HIBCH: variants seen among roughly 807,000 people sequenced by gnomAD.
The protein encoded by HIBCH is 3-hydroxyisobutyryl-CoA hydrolase, also known as 3-hydroxyisobutyryl-CoA hydrolase, mitochondrial.
A neutral mutation model predicts 58.2 loss-of-function variants in HIBCH; 50 were observed. The ratio of observed to expected loss-of-function variants is 0.86; its 90% confidence interval spans 0.68 to 1.09. The LOEUF is 1.09. HIBCH is among the 50% of genes least tolerant of loss of function. The pLI is 0.00. For synonymous variants in HIBCH, 151 were observed against 146.9 expected (o/e 1.03, Z -0.20); for missense variants, 450 against 449.7 (o/e 1.00, Z -0.01).
At position 190,197,567 on chromosome 2, in the gene HIBCH, T is replaced by G. The variant is rs1030635103; in HGVS notation, c.*17+7533A>C. 2.0e-5 allele frequency among the ~76,000 whole-genome samples: 3 copies of G among 152,180 alleles called. No homozygotes were observed. Among genetic ancestry groups the G allele is most frequent in the African/African-American group, 7.2e-5 (3 of 41,426 alleles). ...ACCCTAACCTCTGTTGCATCAGAGT[T>G]GCCACTCTCTGACTCTCCTGGGGCT... On this transcript the variant is annotated intron_variant, in intron 1 of 1. Coordinates refer to the HIBCH transcript ENST00000399855. This position sits in a 1 kb window ranked among gnomAD's most constrained non-coding sequence, Gnocchi z 4.0.
intron 11 of HIBCH, among the ~76,000 whole-genome samples, chr2:190,238,296 A>G (rs1458718199): frequency 2.0e-5 from 3 of 152,176 alleles, no homozygotes; most frequent in African/African-American, 7.2e-5. Flanking sequence ...CAACAGTGTA[A>G]AAGTGTACCT....
rs201313339 is a variant in HIBCH, at chr2:190,250,780, TA to T, written c.664-1055del. 6.7e-3 allele frequency among the ~76,000 whole-genome samples: 1,014 copies of T among 152,352 alleles called. 12 individuals carry two copies. Among genetic ancestry groups the T allele is most frequent in the African/African-American group, 0.022 (920 of 41,586 alleles). The stretch of plus-strand genomic sequence containing the variant: ...TCAATTTTGTATGCTTCATACATTT[TA>T]CAGAATCTGTAACAGTGTGAGAAAC... On this transcript the variant is annotated intron_variant, in intron 8 of 13. Transcript: ENST00000359678.
chr2:190,263,766 C>G (rs560622758), intron 6 of HIBCH, among the ~76,000 whole-genome samples: 1 of 152,318 alleles, frequency 6.6e-6, no homozygotes, highest in South Asian at 2.1e-4. Context: ...CCCAGCTGCT[C>G]AGGCCAAACA....
chr2:190,201,467 G>C (rs1309659707), downstream of HIBCH: 2 of 166,922 alleles, frequency 1.2e-5, no homozygotes, highest in Non-Finnish European at 2.9e-5. Flanking sequence ...GTGTATGTTA[G>C]ATCCACAATA....
In HIBCH at chr2:190,280,519, G is replaced by A. The variant is rs35446208; in HGVS notation, c.438+7067C>T. On this transcript the variant is annotated intron_variant, in intron 6 of 13. Transcript: ENST00000359678. ...AAACACCTGAAGCTCGTGATCAGCC[G>A]CTTCCCATTAAGATCTCAGGAGCTG... Among the ~76,000 whole-genome samples, 1,153 of 152,282 alleles carry A rather than the reference G, an allele frequency of 7.6e-3. 15 individuals are homozygous for A. The highest frequency in any genetic ancestry group is 0.013 in the Non-Finnish European group (895 of 68,014).
chr2:190,248,375 A>G (rs779309395), intron 9 of HIBCH, among the ~76,000 whole-genome samples: 1 of 151,886 alleles, frequency 6.6e-6, no homozygotes, highest in Non-Finnish European at 1.5e-5. Context: ...GTGGGGTGGG[A>G]TGCAGCGGTT....
intron 13 of HIBCH, chr2:190,208,678 T>C (rs1690450500): frequency 1.7e-6 from 1 of 579,790 alleles, no homozygotes; most frequent in Non-Finnish European, 3.1e-6. Context: ...ATTTTTTTTT[T>C]TTTTTTCAGA....
chr2:190,311,278 G>A, intron 1 of HIBCH, among the ~76,000 whole-genome samples: 1 of 152,140 alleles, frequency 6.6e-6, no homozygotes, highest in East Asian at 1.9e-4. Context: ...GGGGTTTGGG[G>A]GACGGAAGGA....
rs757185452 is a variant in HIBCH at position 190,254,514 on chromosome 2, C to T, written c.518-2207G>A. Among the ~76,000 whole-genome samples the T allele has an allele frequency of 6.6e-6, 1 of 152,212 alleles. No individual in the cohort carries two copies. Among genetic ancestry groups the T allele is most frequent in the African/African-American group, 2.4e-5 (1 of 41,456 alleles). ...AAAAGTTTAATACACTGCGAAATCA[C>T]TCATGCCTTCTCCCGTGAACACTGA... On this transcript the variant is annotated intron_variant, in intron 7 of 13. Transcript: ENST00000359678. The surrounding 1 kb of genome is among the most constrained non-coding windows in gnomAD (Gnocchi z 5.0).
chr2:190,269,202 G>A (rs1407848753), intron 6 of HIBCH, among the ~76,000 whole-genome samples: 1 of 152,272 alleles, frequency 6.6e-6, no homozygotes, highest in East Asian at 1.9e-4. Context: ...AACAGCAAAA[G>A]CAATGCCAAC....
rs1481111923 is a variant in HIBCH, at chr2:190,296,799, A to G, written c.219+14T>C. On this transcript the variant is annotated intron_variant, in intron 3 of 13. Coordinates refer to ENST00000359678, the MANE Select transcript of HIBCH (RefSeq NM_014362.4). ...GAAAAGAATCCATATAATTGCAATA[A>G]GAAAATTACAAACCTTTAGCTGTGG... The G allele has an allele frequency of 3.7e-6, 6 of 1,607,744 alleles. No individual in the cohort carries two copies. Among genetic ancestry groups the G allele is most frequent in the Non-Finnish European group, 5.1e-6 (6 of 1,174,206 alleles).
intron 11 of HIBCH, among the ~76,000 whole-genome samples, 159 bp downstream of exon 11, chr2:190,244,728 G>A (rs1686555552): frequency 6.6e-6 from 1 of 152,198 alleles, no homozygotes; most frequent in Admixed American, 6.5e-5. Flanking sequence ...GTCAGGGTTA[G>A]TGGAACTGAT....
Position 190,209,644 on chromosome 2 carries a change from C to T in HIBCH, c.1012-731G>A, listed in dbSNP as rs183653434. Among the ~76,000 whole-genome samples the T allele has an allele frequency of 3.3e-4, 50 of 152,342 alleles. No individual in the cohort carries two copies. Among genetic ancestry groups the T allele is most frequent in the South Asian group, 1.9e-3 (9 of 4,826 alleles). ...AACTGTGGCCATCTGCACCTGCCTT[C>T]TCTTTCAATGCCGTGGAGGAAAGGA... On this transcript the variant is annotated intron_variant, in intron 12 of 13. Coordinates refer to ENST00000359678, the MANE Select transcript of HIBCH (RefSeq NM_014362.4). This position sits in a 1 kb window ranked among gnomAD's most constrained non-coding sequence, Gnocchi z 5.6.
chr2:190,213,437 G>A (rs3791788), intron 11 of HIBCH: 63,731 of 240,044 alleles, frequency 0.27, 9,225 homozygotes, highest in East Asian at 0.47. Flanking sequence ...CGCATACAGT[G>A]GTCCATTTCC....
At chr2:190,299,118 TAAAATTG>T (rs1688191413) in intron 2 of HIBCH, among the ~76,000 whole-genome samples, 1 of 152,204 alleles carries the variant, frequency 6.6e-6, no homozygotes, top group Non-Finnish European at 1.5e-5. Context: ...GTGTGCAATG[TAAAATTG>T]AAAATTGAAA....
intron 1 of HIBCH, among the ~76,000 whole-genome samples, chr2:190,314,532 G>A (rs563662424): frequency 1.2e-3 from 188 of 151,978 alleles, no homozygotes; most frequent in Middle Eastern, 3.4e-3. Context: ...AGGCTGCAGC[G>A]CAGTGGCACG....
chr2:190,290,158 C>T (rs940425434), intron 5 of HIBCH, among the ~76,000 whole-genome samples: 2 of 152,136 alleles, frequency 1.3e-5, no homozygotes, highest in African/African-American at 4.8e-5. Flanking sequence ...GGATTACAGG[C>T]GTGAGCCACC....
intron 6 of HIBCH, among the ~76,000 whole-genome samples, chr2:190,264,758 T>A (rs143780557): frequency 6.6e-6 from 1 of 152,186 alleles, no homozygotes; most frequent in South Asian, 2.1e-4. Context: ...CTTCTGCATA[T>A]GTTTTGGTGC....
chr2:190,315,596 C>T lies in HIBCH; in HGVS notation c.35+4120G>A, dbSNP rs948620203. On this transcript the variant is annotated intron_variant, in intron 1 of 13. Coordinates refer to ENST00000359678, the MANE Select transcript of HIBCH (RefSeq NM_014362.4). This position sits in a 1 kb window ranked among gnomAD's most constrained non-coding sequence, Gnocchi z 5.4. ...GAAATTAAACAACTACATGAAACTG[C>T]TTAAGCAGGAAGAAGACATCACAAA... 4.6e-5 allele frequency among the ~76,000 whole-genome samples: 7 copies of T among 152,168 alleles called. No individual in the cohort carries two copies. Among genetic ancestry groups the T allele is most frequent in the African/African-American group, 1.7e-4 (7 of 41,440 alleles).
Sources: gnomAD v4.1 joint callset for allele counts (sites outside exome capture counted in the v4.1 genomes callset) on GRCh38, gnomAD v4.1.1 for gene constraint, Gnocchi (gnomAD v3.1) non-coding constraint, MANE v1.5 for transcripts, NCBI Gene and HGNC (gene_info 2026-07-23, HGNC 2026-07-21) for gene names.